ZNRF3: variants seen among roughly 807,000 people sequenced by gnomAD.
ZNRF3 encodes the protein zinc and ring finger 3.
Under a neutral mutation model 72.5 loss-of-function variants are expected in ZNRF3, and 23 were observed. The observed-to-expected ratio is 0.32, with a 90% CI of 0.23 to 0.45. The LOEUF (loss-of-function observed/expected upper bound fraction) is 0.45. Ranked by LOEUF, ZNRF3 falls within the 20% of genes least tolerant of loss-of-function variation. The pLI is 1.00. For synonymous variants in ZNRF3, 610 were observed against 545.3 expected, an observed-to-expected ratio of 1.12 and a Z score of -1.65; for missense variants, 1,169 against 1,272.1, an observed-to-expected ratio of 0.92 and a Z score of 1.23.
intron 1 of ZNRF3, among the ~76,000 whole-genome samples, chr22:28,955,232 G>A (rs571744882): frequency 9.5e-5 from 14 of 147,428 alleles, no homozygotes; most frequent in African/African-American, 3.5e-4. Flanking sequence ...TTGTAGCGAT[G>A]GAGTCTTGGT....
intron 2 of ZNRF3, chr22:29,026,851 T>C (rs1264724398): frequency 2.6e-5 from 4 of 152,220 alleles, no homozygotes; most frequent in Admixed American, 2.0e-4. Flanking sequence ...ACTTCTGCTT[T>C]GGGGGTATCT....
chr22:28,925,347 A>G (rs2034581889), intron 1 of ZNRF3, among the ~76,000 whole-genome samples: 1 of 151,878 alleles, frequency 6.6e-6, no homozygotes, highest in Non-Finnish European at 1.5e-5. Context: ...CTCTCCACAA[A>G]CCTGTTTCTG....
chr22:29,051,589 G>T (rs900281430), intron 8 of ZNRF3, among the ~76,000 whole-genome samples: 6 of 144,376 alleles, frequency 4.2e-5, no homozygotes, highest in East Asian at 2.0e-4. Context: ...GGGTGACAGA[G>T]CGAGACTCTG....
chr22:29,055,582 G>A lies in ZNRF3; in HGVS notation c.*1960G>A, dbSNP rs2037283940. On this transcript the variant is annotated 3_prime_UTR_variant, in exon 9 of 9. Transcript: ENST00000544604. ...CGTCCTCGGGTGCAGTCCCTTGGGG[G>A]CTGCTCCTCGGACTGCGCCCCGCAC... 1 of 152,226 alleles carries A rather than the reference G, an allele frequency of 6.6e-6. No individual in the cohort carries two copies. The highest frequency in any genetic ancestry group is 1.5e-5 in the Non-Finnish European group (1 of 68,036). The allele number at this position is 152,226 out of a possible 1,614,324, so 9.4% of individuals were successfully genotyped here.
intron 1 of ZNRF3, among the ~76,000 whole-genome samples, chr22:28,956,248 G>A (rs745691497): frequency 6.6e-6 from 1 of 151,728 alleles, no homozygotes; most frequent in Non-Finnish European, 1.5e-5. Context: ...CAGGCATGTA[G>A]TATGGATAAG....
At chr22:28,897,376 A>G (rs975743894) in intron 1 of ZNRF3, among the ~76,000 whole-genome samples, 2 of 152,192 alleles carry the variant, frequency 1.3e-5, no homozygotes, top group Non-Finnish European at 2.9e-5. Context: ...GCTGGAGTAC[A>G]GTGACGTGAT....
At chr22:28,932,253 C>T (rs2034720387) in intron 1 of ZNRF3, among the ~76,000 whole-genome samples, 2 of 152,142 alleles carry the variant, frequency 1.3e-5, no homozygotes, top group South Asian at 2.1e-4. Flanking sequence ...TGTTCTGTCT[C>T]CTGGCCTTGG....
intron 2 of ZNRF3, among the ~76,000 whole-genome samples, chr22:29,028,624 G>T (rs995365585): frequency 2.6e-5 from 4 of 152,164 alleles, no homozygotes; most frequent in African/African-American, 9.7e-5. Flanking sequence ...GAGAGGCTTA[G>T]GTCAAATGTC....
intron 8 of ZNRF3, 84 bp downstream of exon 8, chr22:29,051,032 A>C: frequency 7.1e-7 from 1 of 1,414,794 alleles, no homozygotes; most frequent in Non-Finnish European, 9.4e-7. Context: ...TTTCTGAATG[A>C]CTTCTTTTGT....
chr22:28,901,867 G>T (rs1182816121), intron 1 of ZNRF3, among the ~76,000 whole-genome samples: 1 of 150,048 alleles, frequency 6.7e-6, no homozygotes, highest in Non-Finnish European at 1.5e-5. Context: ...GTGGCTAGGC[G>T]TTTTATGGTG....
At chr22:28,898,167 T>C (rs1281138142) in intron 1 of ZNRF3, among the ~76,000 whole-genome samples, 1 of 152,184 alleles carries the variant, frequency 6.6e-6, no homozygotes, top group Non-Finnish European at 1.5e-5. Flanking sequence ...AGGCTGCTCT[T>C]GGACTCCTAA....
At chr22:28,976,866 G>A (rs1601621478) in intron 1 of ZNRF3, among the ~76,000 whole-genome samples, 1 of 152,046 alleles carries the variant, frequency 6.6e-6, no homozygotes. Context: ...TTTAACTTAC[G>A]AGGCATCTTA....
rs758423360 is a variant in ZNRF3, at chr22:29,050,109, G to T, written c.1928G>T (p.Arg643Leu). 48 of 1,607,736 alleles carry T rather than the reference G, an allele frequency of 3.0e-5. No homozygotes were observed. Among genetic ancestry groups the T allele is most frequent in the African/African-American group, 5.3e-5 (4 of 74,924 alleles). The part of the protein sequence containing the change: ...LPAVHSHGAG[R>L]GEPWPGPASP... ...GCGGTGCACAGTCATGGTGCTGGGCGGGGCGAGCCTTGGCCGGGCCCTGCC... is the reference window on the plus strand; with the variant it reads ...GCGGTGCACAGTCATGGTGCTGGGCTGGGCGAGCCTTGGCCGGGCCCTGCC... The change falls in exon 8 of 9, where the codon CGG becomes CTG. Residue 643 changes from arginine to leucine, a missense_variant. Physicochemically the swap from Arg to Leu is moderately radical, Grantham distance 102. Transcript: ENST00000544604.
chr22:29,007,404 AG>A (rs2036272052), intron 2 of ZNRF3, among the ~76,000 whole-genome samples: 1 of 152,228 alleles, frequency 6.6e-6, no homozygotes, highest in South Asian at 2.1e-4. Context: ...TGGGAAGCCA[AG>A]GCAGGGGAAT....
chr22:28,958,383 C>A (rs924337887), intron 1 of ZNRF3, among the ~76,000 whole-genome samples: 6 of 152,128 alleles, frequency 3.9e-5, no homozygotes, highest in African/African-American at 1.2e-4. Flanking sequence ...TTGGTTTTCT[C>A]TCACTCCCCT....
intron 1 of ZNRF3, among the ~76,000 whole-genome samples, chr22:28,958,104 C>T (rs2035292981): frequency 6.6e-6 from 1 of 152,168 alleles, no homozygotes; most frequent in Non-Finnish European, 1.5e-5. Context: ...AGGAGAATGG[C>T]GTGAACCCAG....
intron 1 of ZNRF3, among the ~76,000 whole-genome samples, chr22:28,921,275 T>C (rs764834179): frequency 6.6e-6 from 1 of 152,174 alleles, no homozygotes; most frequent in Non-Finnish European, 1.5e-5. Flanking sequence ...CCCCTTCTGC[T>C]ACTCGGCTGC....
chr22:28,938,732 C>G (rs2034886806), intron 1 of ZNRF3, among the ~76,000 whole-genome samples: 1 of 151,986 alleles, frequency 6.6e-6, no homozygotes, highest in African/African-American at 2.4e-5. Flanking sequence ...AACTCACAGT[C>G]TTATAGCTGA....
chr22:28,954,878 G>A (rs963081963), intron 1 of ZNRF3, among the ~76,000 whole-genome samples: 2 of 151,382 alleles, frequency 1.3e-5, no homozygotes, highest in African/African-American at 4.9e-5. Context: ...TCCTCCCACA[G>A]TGCTGGGATT....
Sources: allele counts gnomAD v4.1 joint callset (sites outside exome capture counted in the v4.1 genomes callset), GRCh38; gene constraint gnomAD v4.1.1; transcripts MANE v1.5; gene names NCBI Gene and HGNC (gene_info 2026-07-23, HGNC 2026-07-21).